Variants in UNC5D observed in about 807,000 individuals in gnomAD.
The protein encoded by UNC5D is unc-5 netrin receptor D, also known as netrin receptor UNC5D.
Under a neutral mutation model 105.4 loss-of-function variants are expected in UNC5D, and 39 were observed. That is an observed-to-expected ratio of 0.37 (90% CI 0.29 to 0.48). UNC5D has a LOEUF of 0.48. Among genes scored for constraint, UNC5D ranks in the 20% least tolerant of loss-of-function variants. The pLI, the probability that UNC5D is intolerant of heterozygous loss-of-function variation, is 0.98. For missense variants in UNC5D, 991 were observed against 1,202.4 expected (o/e 0.82, Z 2.60); for synonymous variants, 452 against 450.4 (o/e 1.00, Z -0.04).
intron 7 of UNC5D, among the ~76,000 whole-genome samples, chr8:35,696,282 ATTTTTTT>A (rs755876112): frequency 4.4e-5 from 5 of 113,224 alleles, no homozygotes; most frequent in Non-Finnish European, 7.4e-5. Flanking sequence ...TCAATATTTA[ATTTTTTT>A]TTTTTTTTTT....
intron 4 of UNC5D, among the ~76,000 whole-genome samples, chr8:35,657,092 A>ATATG (rs1563637908): frequency 1.0e-5 from 1 of 98,330 alleles, no homozygotes; most frequent in East Asian, 2.7e-4. Context: ...ATATATATAT[A>ATATG]TATATATATA....
At chr8:35,511,753 A>T (rs76960173) in intron 1 of UNC5D, among the ~76,000 whole-genome samples, 1 of 150,966 alleles carries the variant, frequency 6.6e-6, no homozygotes, top group African/African-American at 2.5e-5. Flanking sequence ...AAAAAAAAAA[A>T]CCCTCAAAGT....
chr8:35,742,839 G>A (rs1389559462), intron 11 of UNC5D, among the ~76,000 whole-genome samples: 2 of 152,186 alleles, frequency 1.3e-5, no homozygotes, highest in African/African-American at 4.8e-5. Flanking sequence ...GCAGATGGGT[G>A]CTGTAGGATG....
intron 16 of UNC5D, among the ~76,000 whole-genome samples, chr8:35,784,984 A>G (rs987888997): frequency 1.3e-5 from 2 of 152,134 alleles, no homozygotes; most frequent in Admixed American, 1.3e-4. Context: ...TGTCAAAGAA[A>G]AAAATAGTTT....
rs572899794 is a variant in UNC5D at position 35,564,991 on chromosome 8, G to T, written c.323-3107G>T. ...ATACATTTTCTTTGTCCATTTATTT[G>T]TTGACGGGCCCTTAGCTTGATTCCC... On this transcript the variant is annotated intron_variant, in intron 2 of 16. Coordinates refer to ENST00000404895, the MANE Select transcript of UNC5D (RefSeq NM_080872.4). Among the ~76,000 whole-genome samples, 5 of 152,162 alleles carry T rather than the reference G, an allele frequency of 3.3e-5. No individual in the cohort carries two copies. In the South Asian group the frequency reaches 1.0e-3, roughly 32 times the overall value.
chr8:35,285,818 A>G (rs1351608664), intron 1 of UNC5D, among the ~76,000 whole-genome samples: 1 of 152,180 alleles, frequency 6.6e-6, no homozygotes, highest in Non-Finnish European at 1.5e-5. Flanking sequence ...CAATGAGGCT[A>G]TCAACATTAT....
At chr8:35,474,421 C>A (rs569142672) in intron 1 of UNC5D, among the ~76,000 whole-genome samples, 1 of 152,040 alleles carries the variant, frequency 6.6e-6, no homozygotes, top group Non-Finnish European at 1.5e-5. Context: ...ATAGAGATAG[C>A]GACTGTTGAG....
intron 1 of UNC5D, among the ~76,000 whole-genome samples, chr8:35,536,301 T>C (rs1814830987): frequency 6.6e-6 from 1 of 152,158 alleles, no homozygotes; most frequent in South Asian, 2.1e-4. Context: ...AAATACCACA[T>C]CCGAGCAGGC....
chr8:35,772,541 A>G (rs1296084630), intron 15 of UNC5D, among the ~76,000 whole-genome samples: 2 of 152,106 alleles, frequency 1.3e-5, no homozygotes, highest in Non-Finnish European at 2.9e-5. Flanking sequence ...TCAGGGAGGG[A>G]AGGAAGGGCA....
chr8:35,540,783 G>A, intron 1 of UNC5D, among the ~76,000 whole-genome samples: 1 of 152,130 alleles, frequency 6.6e-6, no homozygotes. Flanking sequence ...TAAAATGATG[G>A]TTACAAGTTA....
chr8:35,404,865 C>T (rs980296316), intron 1 of UNC5D, among the ~76,000 whole-genome samples: 4 of 152,152 alleles, frequency 2.6e-5, no homozygotes, highest in Non-Finnish European at 4.4e-5. Context: ...GCTGGGATTA[C>T]AGGAGTGAGC....
At chr8:35,652,823 TTG>T in intron 4 of UNC5D, among the ~76,000 whole-genome samples, 1 of 151,952 alleles carries the variant, frequency 6.6e-6, no homozygotes, top group Non-Finnish European at 1.5e-5. Flanking sequence ...CTGTATTCTC[TTG>T]ATCTCACATG....
chr8:35,319,164 C>A (rs1179165592), intron 1 of UNC5D, among the ~76,000 whole-genome samples: 1 of 151,958 alleles, frequency 6.6e-6, no homozygotes, highest in African/African-American at 2.4e-5. Context: ...CTGGATTTTC[C>A]CCCTTTGTAT....
At chr8:35,682,764 A>G (rs1476501989) in intron 4 of UNC5D, among the ~76,000 whole-genome samples, 8 of 152,174 alleles carry the variant, frequency 5.3e-5, no homozygotes, top group Admixed American at 2.6e-4. Context: ...TGGACCAAGG[A>G]TAGGACCAAG....
At chr8:35,590,964 T>C (rs1330250414) in intron 3 of UNC5D, among the ~76,000 whole-genome samples, 4 of 152,202 alleles carry the variant, frequency 2.6e-5, no homozygotes, top group Non-Finnish European at 5.9e-5. Flanking sequence ...ATCCCTTAGA[T>C]AGTTATGTGA....
At chr8:35,354,547 C>G (rs1801443783) in intron 1 of UNC5D, among the ~76,000 whole-genome samples, 1 of 152,148 alleles carries the variant, frequency 6.6e-6, no homozygotes, top group South Asian at 2.1e-4. Flanking sequence ...TACCCACCAT[C>G]ATTGATCCGA....
intron 3 of UNC5D, among the ~76,000 whole-genome samples, chr8:35,581,697 A>G (rs1212161025): frequency 6.6e-6 from 1 of 152,190 alleles, no homozygotes; most frequent in Non-Finnish European, 1.5e-5. Context: ...GTAAGCATGT[A>G]TCAAAACATC....
At chr8:35,571,016 T>C (rs1817686367) in intron 3 of UNC5D, among the ~76,000 whole-genome samples, 1 of 151,890 alleles carries the variant, frequency 6.6e-6, no homozygotes, top group African/African-American at 2.4e-5. Flanking sequence ...ACTTAAAATA[T>C]ATATATACAC....
intron 1 of UNC5D, among the ~76,000 whole-genome samples, chr8:35,470,598 A>T (rs1809635594): frequency 1.7e-5 from 1 of 59,964 alleles, no homozygotes; most frequent in Non-Finnish European, 3.7e-5. Context: ...TCTACAAAAA[A>T]TGCAAAAAAA....
Sources: allele counts gnomAD v4.1 joint callset (sites outside exome capture counted in the v4.1 genomes callset), GRCh38; gene constraint gnomAD v4.1.1; transcripts MANE v1.5; gene names NCBI Gene and HGNC (gene_info 2026-07-23, HGNC 2026-07-21).